The following KLF8 variants were observed in gnomAD, a reference collection of about 807,000 sequenced individuals.
The protein encoded by KLF8 is Krueppel-like factor 8.
A neutral mutation model predicts 18.2 loss-of-function variants in KLF8; 10 were observed. The observed-to-expected ratio is 0.55, with a 90% confidence interval of 0.34 to 0.93. KLF8 has a LOEUF of 0.93. Among genes scored for constraint, KLF8 ranks in the 40% least tolerant of loss-of-function variants. The pLI, the probability that KLF8 is intolerant of heterozygous loss-of-function variation, is 0.02. For synonymous variants in KLF8, 109 were observed against 97.3 expected, an observed-to-expected ratio of 1.12 and a Z score of -0.71; for missense variants, 264 against 277.9, an observed-to-expected ratio of 0.95 and a Z score of 0.36.
chrX:55,938,516 G>A, the KLF8 span, among the ~76,000 whole-genome samples: 15 of 111,089 alleles, frequency 1.4e-4, no homozygotes, highest in East Asian at 2.8e-4. Context: ...TCAAAATCAC[G>A]TATAACAATA....
the KLF8 span, among the ~76,000 whole-genome samples, chrX:55,995,095 G>A: frequency 9.1e-4 from 102 of 112,084 alleles, 1 homozygote; most frequent in African/African-American, 3.3e-3. Flanking sequence ...CCAATGTTGG[G>A]AGCATATATA....
At chrX:56,019,283 T>C in the KLF8 span, among the ~76,000 whole-genome samples, 6 of 112,247 alleles carry the variant, frequency 5.3e-5, no homozygotes, top group African/African-American at 1.9e-4. Flanking sequence ...CCCCTGGAGA[T>C]TGTTATATGT....
chrX:56,111,054 A>G, the KLF8 span, among the ~76,000 whole-genome samples: 3 of 111,624 alleles, frequency 2.7e-5, no homozygotes, highest in Non-Finnish European at 5.6e-5. Flanking sequence ...TTATCTGGTA[A>G]TGTCTTAATC....
chrX:56,073,891 G>A, the KLF8 span, among the ~76,000 whole-genome samples: 5 of 111,087 alleles, frequency 4.5e-5, no homozygotes, highest in East Asian at 2.8e-4. Flanking sequence ...GACTATAGGC[G>A]TGCGCCACTA....
chrX:56,190,909 C>T, the KLF8 span, among the ~76,000 whole-genome samples: 1 of 110,820 alleles, frequency 9.0e-6, no homozygotes, highest in Non-Finnish European at 1.9e-5. Context: ...TCTTAAAGAA[C>T]TAGAAGAGCA....
the KLF8 span, among the ~76,000 whole-genome samples, chrX:56,027,217 G>T: frequency 6.3e-5 from 7 of 111,815 alleles, no homozygotes; most frequent in Non-Finnish European, 1.1e-4. Context: ...GTAGGGACCA[G>T]ATCAGGTGTT....
the KLF8 span, among the ~76,000 whole-genome samples, chrX:55,979,587 G>T: frequency 8.9e-6 from 1 of 111,917 alleles, no homozygotes. Flanking sequence ...TGAATTTTCA[G>T]CAATTGGTAT....
the KLF8 span, among the ~76,000 whole-genome samples, chrX:56,006,491 C>T: frequency 7.1e-5 from 8 of 112,242 alleles, no homozygotes; most frequent in Non-Finnish European, 1.5e-4. Context: ...TTTCTGATGT[C>T]TGTTTCTTGA....
At chrX:56,230,093 G>A (rs2066390026), upstream of KLF8, among the ~76,000 whole-genome samples, 1 of 112,276 alleles carries the variant, frequency 8.9e-6, no homozygotes, top group South Asian at 3.7e-4. Flanking sequence ...AGCTATCTGT[G>A]TATGGATCGA....
the KLF8 span, among the ~76,000 whole-genome samples, chrX:55,960,210 A>G: frequency 1.8e-5 from 2 of 112,468 alleles, no homozygotes; most frequent in East Asian, 5.6e-4. Context: ...TCAGTACCAC[A>G]AAACTTGCCT....
the KLF8 span, among the ~76,000 whole-genome samples, chrX:56,048,442 G>T: frequency 6.3e-5 from 7 of 111,663 alleles, no homozygotes; most frequent in Non-Finnish European, 1.3e-4. Flanking sequence ...ATTAATTTTT[G>T]TATAAGGTGT....
chrX:56,253,764 C>CTTTTTTTTTTTTTTTTT (rs60291877), intron 2 of KLF8, among the ~76,000 whole-genome samples: 8 of 60,115 alleles, frequency 1.3e-4, no homozygotes, highest in Non-Finnish European at 2.1e-4. Flanking sequence ...TTTTCTTTTT[C>CTTTTTTTTTTTTTTTTT]TTTTTTTTTT....
At chrX:56,210,257 C>G in the KLF8 span, among the ~76,000 whole-genome samples, 1 of 111,523 alleles carries the variant, frequency 9.0e-6, no homozygotes, top group Admixed American at 9.6e-5. Context: ...TCAGCTGTTT[C>G]TAGGAAAGTA....
the KLF8 span, among the ~76,000 whole-genome samples, chrX:56,197,668 G>T: frequency 9.0e-6 from 1 of 111,513 alleles, no homozygotes. Context: ...TACAAAGAGG[G>T]ACTGGCACCA....
rs1379874289 is a variant in KLF8 at position 56,265,340 on chromosome X, T to A, written c.242T>A (p.Leu81Gln). ...PEELLASDFS[L>Q]PQVEPVDLSF... The stretch of plus-strand genomic sequence containing the variant: ...GAACTTTTGGCTAGTGATTTCAGCC[T>A]GCCCCAAGTGGAACCAGTTGACCTC... The change falls in exon 3 of 6, where the codon CTG becomes CAG. Residue 81 changes from leucine to glutamine, a missense_variant. Leu to Gln is a moderately radical substitution (Grantham distance 113). This residue lies in a region of KLF8 where 221 missense variants were observed against 193.6 expected (regional missense o/e 1.14). Coordinates refer to ENST00000468660, the MANE Select transcript of KLF8 (RefSeq NM_007250.5). The A allele has an allele frequency of 1.7e-6, 2 of 1,206,825 alleles. No individual in the cohort carries two copies. The highest frequency in any genetic ancestry group is 4.4e-5 in the Admixed American group (2 of 45,321).
the KLF8 span, among the ~76,000 whole-genome samples, chrX:56,221,121 CTG>C: frequency 3.6e-5 from 4 of 111,848 alleles, no homozygotes; most frequent in Non-Finnish European, 1.9e-5. Context: ...AAAAATAAAT[CTG>C]TGCATTTCTG....
At chrX:56,222,684 G>A in the KLF8 span, among the ~76,000 whole-genome samples, 1 of 112,854 alleles carries the variant, frequency 8.9e-6, no homozygotes, top group Non-Finnish European at 1.9e-5. Context: ...CTTGGGCCGC[G>A]CAGGAGCCCA....
the KLF8 span, among the ~76,000 whole-genome samples, chrX:56,179,176 G>A: frequency 8.9e-6 from 1 of 111,857 alleles, no homozygotes; most frequent in South Asian, 3.7e-4. Context: ...TTGAGCAGTT[G>A]TATGTAGTTC....
At chrX:56,107,455 G>A in the KLF8 span, among the ~76,000 whole-genome samples, 6 of 111,660 alleles carry the variant, frequency 5.4e-5, no homozygotes, top group South Asian at 2.3e-3. Flanking sequence ...CCAGGCTGCA[G>A]CCTTGCTGGT....
Sources: gnomAD v4.1 joint callset for allele counts (sites outside exome capture counted in the v4.1 genomes callset) on GRCh38, gnomAD v4.1.1 for gene constraint, gnomAD v4.1.1 regional missense constraint, MANE v1.5 for transcripts, NCBI Gene and HGNC (gene_info 2026-07-23, HGNC 2026-07-21) for gene names.